The following SUGCT variants were observed in gnomAD, a reference collection of about 807,000 sequenced individuals.
SUGCT encodes the protein succinyl-CoA:glutarate-CoA transferase, also known as succinyl-CoA:glutarate CoA-transferase.
In SUGCT, 41 loss-of-function variants were observed where a neutral mutation model predicts 55.0. The ratio of observed to expected loss-of-function variants is 0.74; its 90% CI spans 0.58 to 0.97. SUGCT has a LOEUF of 0.97. Among genes scored for constraint, SUGCT ranks in the 50% least tolerant of loss-of-function variants. SUGCT has a pLI of 0.00. For synonymous variants in SUGCT, 187 were observed against 200.4 expected, an observed-to-expected ratio of 0.93 and a Z score of 0.56; for missense variants, 568 against 547.8, an observed-to-expected ratio of 1.04 and a Z score of -0.37.
At chr7:40,909,588 A>T in the SUGCT span, among the ~76,000 whole-genome samples, 1 of 152,176 alleles carries the variant, frequency 6.6e-6, no homozygotes, top group Admixed American at 6.5e-5. Flanking sequence ...ATTCTTAGAC[A>T]TTGGAGTTCT....
Position 40,855,718 on chromosome 7 carries a change from T to C in SUGCT, c.1154-4598T>C, listed in dbSNP as rs1327402336. On this transcript the variant is annotated intron_variant, in intron 13 of 13. Coordinates refer to ENST00000335693, the MANE Select transcript of SUGCT (RefSeq NM_001193313.2). The stretch of plus-strand genomic sequence containing the variant: ...TGGATCTACTCTGAATGAGAATGCT[T>C]GGAAGTGTGGGTCAAGGTAGTTTCA... Among the ~76,000 whole-genome samples, 3 of 152,290 alleles carry C rather than the reference T, an allele frequency of 2.0e-5. 1 individual carries two copies. The highest frequency in any genetic ancestry group is 4.1e-4 in the South Asian group (2 of 4,824).
intron 1 of SUGCT, chr7:40,141,778 C>A: frequency 6.0e-6 from 2 of 331,572 alleles, no homozygotes; most frequent in South Asian, 2.6e-5. Context: ...TTTGGTGCCA[C>A]AAAAGAAATA....
At chr7:40,364,045 A>C (rs1170982766) in intron 9 of SUGCT, among the ~76,000 whole-genome samples, 1 of 150,310 alleles carries the variant, frequency 6.7e-6, no homozygotes, top group East Asian at 2.0e-4. Flanking sequence ...TTCTTGTTGA[A>C]TTGATCCCTT....
the SUGCT span, among the ~76,000 whole-genome samples, chr7:40,937,668 AT>A: frequency 2.0e-5 from 3 of 151,632 alleles, no homozygotes; most frequent in Non-Finnish European, 4.4e-5. Flanking sequence ...TCTAGCAACA[AT>A]TTTTTTTGTC....
intron 12 of SUGCT, among the ~76,000 whole-genome samples, chr7:40,607,624 G>T (rs1798591537): frequency 6.6e-6 from 1 of 152,154 alleles, no homozygotes; most frequent in African/African-American, 2.4e-5. Context: ...TTTTATCATA[G>T]TTACCCTGTT....
intron 8 of SUGCT, among the ~76,000 whole-genome samples, chr7:40,314,865 C>G (rs2151105976): frequency 6.6e-6 from 1 of 152,198 alleles, no homozygotes; most frequent in South Asian, 2.1e-4. Context: ...CTCCCGGCCC[C>G]TCTTGTCTTT....
At chr7:40,405,958 C>G (rs934101791) in intron 9 of SUGCT, among the ~76,000 whole-genome samples, 33 of 152,016 alleles carry the variant, frequency 2.2e-4, no homozygotes, top group Admixed American at 1.5e-3. Context: ...GCCAATTTAT[C>G]AACATGGGAA....
chr7:40,486,340 T>A (rs1791347401), intron 11 of SUGCT, among the ~76,000 whole-genome samples: 1 of 152,150 alleles, frequency 6.6e-6, no homozygotes, highest in African/African-American at 2.4e-5. Context: ...TGTTTTTGGA[T>A]TTTATTTATT....
At chr7:40,841,281 AT>A (rs2128789481) in intron 13 of SUGCT, among the ~76,000 whole-genome samples, 1 of 152,244 alleles carries the variant, frequency 6.6e-6, no homozygotes, top group South Asian at 2.1e-4. Flanking sequence ...TAATTTATAA[AT>A]CATTATCTGA....
chr7:40,414,457 G>C (rs1303338054), intron 9 of SUGCT, among the ~76,000 whole-genome samples: 2 of 152,062 alleles, frequency 1.3e-5, no homozygotes, highest in Non-Finnish European at 2.9e-5. Context: ...TGGGGGTCTT[G>C]GAACATGTCC....
intron 9 of SUGCT, among the ~76,000 whole-genome samples, chr7:40,371,355 C>T (rs1004510433): frequency 1.2e-4 from 18 of 152,020 alleles, no homozygotes; most frequent in African/African-American, 4.3e-4. Flanking sequence ...TTTTATTTCT[C>T]CTATAGCTGG....
intron 12 of SUGCT, among the ~76,000 whole-genome samples, chr7:40,624,460 T>C (rs1799421295): frequency 6.6e-6 from 1 of 152,212 alleles, no homozygotes; most frequent in Admixed American, 6.5e-5. Flanking sequence ...TGTGAAGATG[T>C]GTATGCTTAT....
Position 40,860,627 on chromosome 7 carries a change from C to A in SUGCT, c.*148C>A. On this transcript the variant is annotated 3_prime_UTR_variant, in exon 14 of 14. Coordinates refer to ENST00000335693, the MANE Select transcript of SUGCT (RefSeq NM_001193313.2). ...TTCTTACATGGCATCTCCAGAATGG[C>A]TCTGGTATTAATGAATCTAGTGCCT... 1.3e-6 allele frequency: 1 copy of A among 750,874 alleles called. No homozygotes were observed. The highest frequency in any genetic ancestry group is 2.0e-6 in the Non-Finnish European group (1 of 505,050). The allele number at this position is 750,874 out of a possible 1,614,324, so 46.5% of individuals were successfully genotyped here.
rs1037695430 is a variant in SUGCT, at chr7:40,373,382, A to G, written c.816+56527A>G. Among the ~76,000 whole-genome samples, 6 of 151,512 alleles carry G rather than the reference A, an allele frequency of 4.0e-5. No individual in the cohort carries two copies. In the East Asian group the frequency reaches 9.8e-4, roughly 25 times the overall value. ...AAAATTTAGAATCTATGATTAATAT[A>G]TAGAATTTAGATCAATGAAAAGTAT... On this transcript the variant is annotated intron_variant, in intron 9 of 13. Coordinates refer to ENST00000335693, the MANE Select transcript of SUGCT (RefSeq NM_001193313.2).
intron 8 of SUGCT, among the ~76,000 whole-genome samples, chr7:40,280,395 T>C (rs1324926345): frequency 6.6e-6 from 1 of 152,220 alleles, no homozygotes; most frequent in Non-Finnish European, 1.5e-5. Context: ...GTTCTGCTTA[T>C]TCTGTTGCTC....
At chr7:40,700,926 T>C (rs941805609) in intron 12 of SUGCT, among the ~76,000 whole-genome samples, 10 of 152,100 alleles carry the variant, frequency 6.6e-5, no homozygotes, top group African/African-American at 2.4e-4. Flanking sequence ...ACCTCCCCTC[T>C]CTTGTAAGTA....
At chr7:40,808,743 C>A (rs1791240970) in intron 13 of SUGCT, among the ~76,000 whole-genome samples, 1 of 152,184 alleles carries the variant, frequency 6.6e-6, no homozygotes, top group Admixed American at 6.5e-5. Context: ...TGTTTTCCTT[C>A]CCATGAATGT....
At chr7:40,968,664 C>A in the SUGCT span, among the ~76,000 whole-genome samples, 1 of 152,138 alleles carries the variant, frequency 6.6e-6, no homozygotes. Context: ...ATCTCAAGAC[C>A]AAAAGGCATA....
chr7:40,240,740 T>A (rs1789326371), intron 7 of SUGCT, among the ~76,000 whole-genome samples: 1 of 152,202 alleles, frequency 6.6e-6, no homozygotes, highest in Non-Finnish European at 1.5e-5. Context: ...GTAGCATAAC[T>A]CCATGTTGTC....
Sources: allele counts gnomAD v4.1 joint callset (sites outside exome capture counted in the v4.1 genomes callset), GRCh38; gene constraint gnomAD v4.1.1; transcripts MANE v1.5; gene names NCBI Gene and HGNC (gene_info 2026-07-23, HGNC 2026-07-21).